CDC25C: variants seen among roughly 807,000 people sequenced by gnomAD.
CDC25C encodes M-phase inducer phosphatase 3.
In CDC25C, 48 loss-of-function variants were observed where a neutral mutation model predicts 52.5. The ratio of observed to expected loss-of-function variants is 0.91; its 90% CI spans 0.72 to 1.16. The LOEUF is 1.16. CDC25C is among the 50% of genes most tolerant of loss of function. The probability of loss-of-function intolerance (pLI) is 0.00; values close to 1 mark genes in which losing one functional copy is unlikely to be tolerated. For synonymous variants in CDC25C, 187 were observed against 206.5 expected, an observed-to-expected ratio of 0.91 and a Z score of 0.81; for missense variants, 510 against 566.1, an observed-to-expected ratio of 0.90 and a Z score of 1.01.
At chr5:138,302,058 G>A (rs1007936379) in intron 7 of CDC25C, among the ~76,000 whole-genome samples, 3 of 141,108 alleles carry the variant, frequency 2.1e-5, no homozygotes, top group Non-Finnish European at 4.7e-5. Context: ...GCAGTGGCAC[G>A]ATCTCAGCTC....
chr5:138,302,022 T>C (rs1202953117), intron 7 of CDC25C, among the ~76,000 whole-genome samples: 1 of 141,616 alleles, frequency 7.1e-6, no homozygotes. Context: ...TGAGACAGAG[T>C]CTCGCTCTGT....
intron 7 of CDC25C, among the ~76,000 whole-genome samples, chr5:138,301,000 A>G (rs1011819311): frequency 2.0e-5 from 3 of 152,232 alleles, no homozygotes; most frequent in African/African-American, 7.2e-5. Context: ...TGTGAGATGC[A>G]GCTAAAGTAC....
intron 1 of CDC25C, chr5:138,337,171 T>C (rs1167322982): frequency 6.6e-6 from 1 of 152,242 alleles, no homozygotes. Context: ...ATCCACTTTT[T>C]TGCTTGTCTC....
chr5:138,301,153 G>A (rs1223802096), intron 7 of CDC25C, among the ~76,000 whole-genome samples: 1 of 152,012 alleles, frequency 6.6e-6, no homozygotes, highest in African/African-American at 2.4e-5. Flanking sequence ...AATGGAGAAA[G>A]TCAATAAAAC....
intron 7 of CDC25C, among the ~76,000 whole-genome samples, chr5:138,308,693 ATCT>A (rs1758219530): frequency 1.3e-5 from 2 of 152,100 alleles, no homozygotes; most frequent in Non-Finnish European, 2.9e-5. Context: ...TTCAGATTGT[ATCT>A]TGGTTTTGTT....
rs547414199 is a variant in CDC25C at position 138,319,277 on chromosome 5, T to G, written c.557A>C (p.Gln186Pro). ...LDKNPNLGED[Q>P]AEEISDELME... is the part of the protein sequence containing the mutation. ...TAATTCATCTGAAATCTCTTCTGCC[T>G]GGTCTTCTCCTAGGTTTGGATTTTT... Residue 186 changes from glutamine (Q) to proline (P), a missense_variant, in exon 7 of 14, where the codon CAG becomes CCG. Coordinates refer to ENST00000323760, the MANE Select transcript of CDC25C (RefSeq NM_001790.5). 22 of 1,613,654 alleles carry G rather than the reference T, an allele frequency of 1.4e-5. No homozygotes were observed. The Admixed American group carries it at 2.7e-4, about 20-fold the overall frequency.
At chr5:138,307,654 T>C (rs916727711) in intron 7 of CDC25C, among the ~76,000 whole-genome samples, 1 of 152,032 alleles carries the variant, frequency 6.6e-6, no homozygotes, top group African/African-American at 2.4e-5. Context: ...ATTGTCCAAA[T>C]ATTTTTCAAA....
chr5:138,320,915 C>CAAA (rs57923567), intron 6 of CDC25C, among the ~76,000 whole-genome samples: 5 of 42,256 alleles, frequency 1.2e-4, no homozygotes, highest in Middle Eastern at 0.026. Flanking sequence ...GACTCTGTCT[C>CAAA]AAAAAAAAAA....
chr5:138,331,472 G>T, intron 1 of CDC25C, 123 bp downstream of exon 1: 1 of 726,434 alleles, frequency 1.4e-6, no homozygotes, highest in Non-Finnish European at 1.9e-6. Context: ...AAGAACCCGG[G>T]TCTCGTAACT....
chr5:138,320,915 CAAAAAAAAAAAAA>C (rs57923567), intron 6 of CDC25C, among the ~76,000 whole-genome samples: 11 of 42,258 alleles, frequency 2.6e-4, no homozygotes, highest in African/African-American at 5.7e-4. Context: ...GACTCTGTCT[CAAAAAAAAAAAAA>C]AAAAAAAAAA....
chr5:138,296,355 C>A (rs1185105835), intron 7 of CDC25C, among the ~76,000 whole-genome samples: 2 of 152,054 alleles, frequency 1.3e-5, no homozygotes, highest in Non-Finnish European at 2.9e-5. Flanking sequence ...CCTGCCTCAG[C>A]CTCTCAAGTA....
At chr5:138,300,036 C>T (rs1203044272) in intron 7 of CDC25C, among the ~76,000 whole-genome samples, 1 of 152,090 alleles carries the variant, frequency 6.6e-6, no homozygotes, top group African/African-American at 2.4e-5. Flanking sequence ...CCTAACAAGA[C>T]AAAAACTACT....
At chr5:138,302,424 G>T (rs533868784) in intron 7 of CDC25C, among the ~76,000 whole-genome samples, 27 of 151,720 alleles carry the variant, frequency 1.8e-4, no homozygotes, top group Non-Finnish European at 3.7e-4. Context: ...CGTAGGCCAG[G>T]CACAGTGGCT....
At chr5:138,292,632 A>G (rs908257686) in intron 7 of CDC25C, among the ~76,000 whole-genome samples, 2 of 152,178 alleles carry the variant, frequency 1.3e-5, no homozygotes, top group African/African-American at 2.4e-5. Flanking sequence ...AAAAGGACAC[A>G]CTAAAATCAA....
Position 138,319,222 on chromosome 5 carries a change from T to A in CDC25C, c.612A>T (p.Ala204=), listed in dbSNP as rs1280229816. Residue 204 remains alanine (A), a synonymous_variant, in exon 7 of 14, where the codon GCA becomes GCT. Transcript: ENST00000323760. The part of the protein sequence containing the change: ...LMEFSLKDQE[A]KVSRSGLYRS... ...ATACTACCACAGAACACTTTACCTTTGCTTCTTGATCTTTCAGGGAAAACT... is the reference window on the plus strand; with the variant it reads ...ATACTACCACAGAACACTTTACCTTAGCTTCTTGATCTTTCAGGGAAAACT... 6.8e-6 allele frequency: 11 copies of A among 1,611,788 alleles called. No individual in the cohort carries two copies. Among genetic ancestry groups the A allele is most frequent in the Admixed American group, 1.7e-5 (1 of 59,814 alleles).
At chr5:138,290,285 A>G (rs535931214) in intron 9 of CDC25C, among the ~76,000 whole-genome samples, 1 of 152,338 alleles carries the variant, frequency 6.6e-6, no homozygotes, top group East Asian at 1.9e-4. Flanking sequence ...AGGGGGGAAA[A>G]AAAGAGTATA....
At chr5:138,323,185 C>A (rs1759576891) in intron 6 of CDC25C, among the ~76,000 whole-genome samples, 1 of 152,166 alleles carries the variant, frequency 6.6e-6, no homozygotes, top group African/African-American at 2.4e-5. Flanking sequence ...CCTGCCTCAG[C>A]CTCCCAAAGC....
chr5:138,313,751 AT>A (rs1016829340), intron 7 of CDC25C, among the ~76,000 whole-genome samples: 8 of 152,060 alleles, frequency 5.3e-5, no homozygotes, highest in African/African-American at 1.9e-4. Flanking sequence ...TGCCCCAGAA[AT>A]GTACATTTCT....
chr5:138,291,404 G>A lies in CDC25C; in HGVS notation c.762+566C>T, dbSNP rs998992568. Reference sequence around the variant, plus strand: ...AGAAAAAGGGTTGGGAAGACGGTATGATGACAACATTTCTCTTTTTTTTTT... The same window carrying A: ...AGAAAAAGGGTTGGGAAGACGGTATAATGACAACATTTCTCTTTTTTTTTT... On this transcript the variant is annotated intron_variant, in intron 8 of 13. Coordinates refer to ENST00000323760, the MANE Select transcript of CDC25C (RefSeq NM_001790.5). Among the ~76,000 whole-genome samples, 8 of 150,928 alleles carry A rather than the reference G, an allele frequency of 5.3e-5. No individual in the cohort carries two copies. The East Asian group carries it at 1.5e-3, about 29-fold the overall frequency.
Sources: gnomAD v4.1 joint callset for allele counts (sites outside exome capture counted in the v4.1 genomes callset) on GRCh38, gnomAD v4.1.1 for gene constraint, MANE v1.5 for transcripts, NCBI Gene and HGNC (gene_info 2026-07-23, HGNC 2026-07-21) for gene names.